SDK1: variants seen among roughly 807,000 people sequenced by gnomAD.
The protein encoded by SDK1 is sidekick cell adhesion molecule 1, also known as protein sidekick-1.
In SDK1, 157 loss-of-function variants were observed where a neutral mutation model predicts 245.5. That is an observed-to-expected ratio of 0.64 (90% CI 0.56 to 0.73). The LOEUF is 0.73. SDK1 is among the 30% of genes least tolerant of loss of function. The pLI is 0.00. For synonymous variants in SDK1, 1,647 were observed against 1,278.5 expected, an observed-to-expected ratio of 1.29 and a Z score of -6.15; for missense variants, 3,583 against 3,002.3, an observed-to-expected ratio of 1.19 and a Z score of -4.52.
At chr7:3,317,526 G>C (rs1779693256) in intron 1 of SDK1, among the ~76,000 whole-genome samples, 2 of 151,992 alleles carry the variant, frequency 1.3e-5, no homozygotes, top group Admixed American at 1.3e-4. Context: ...GCTGTGTGCT[G>C]TTCCCTGGGT....
At chr7:3,329,574 GTC>G (rs1206059521) in intron 1 of SDK1, among the ~76,000 whole-genome samples, 3 of 152,028 alleles carry the variant, frequency 2.0e-5, no homozygotes, top group Non-Finnish European at 1.5e-5. Context: ...TCTACTTTGC[GTC>G]TCTATAGATT....
chr7:3,757,619 A>G (rs972526110), intron 4 of SDK1, among the ~76,000 whole-genome samples: 1 of 152,140 alleles, frequency 6.6e-6, no homozygotes, highest in African/African-American at 2.4e-5. Flanking sequence ...TGCATAGGGC[A>G]GGTGTGGGGG....
intron 1 of SDK1, among the ~76,000 whole-genome samples, chr7:3,612,503 A>G (rs1013773668): frequency 2.0e-5 from 3 of 152,204 alleles, no homozygotes; most frequent in African/African-American, 7.2e-5. Flanking sequence ...TTGAATGACT[A>G]CACTTACCAG....
rs150965905 is a variant in SDK1, at chr7:3,452,117, G to C, written c.298+150233G>C. 1.2e-3 allele frequency among the ~76,000 whole-genome samples: 179 copies of C among 152,316 alleles called. 1 individual carries two copies. Among genetic ancestry groups the C allele is most frequent in the Admixed American group, 2.6e-3 (40 of 15,300 alleles). ...ATTTCAAGGGTAAGCCGACTCACAT[G>C]ATTAAAGTAAGTTATGAGCATTTTT... On this transcript the variant is annotated intron_variant, in intron 1 of 44. Transcript: ENST00000404826.
At chr7:3,564,416 G>A (rs887474576) in intron 1 of SDK1, among the ~76,000 whole-genome samples, 4 of 152,074 alleles carry the variant, frequency 2.6e-5, no homozygotes, top group Admixed American at 2.0e-4. Flanking sequence ...TTGAACCCAG[G>A]AGGCTGAGGT....
intron 1 of SDK1, among the ~76,000 whole-genome samples, chr7:3,364,104 C>T (rs1278504472): frequency 1.3e-5 from 2 of 152,032 alleles, no homozygotes; most frequent in East Asian, 1.9e-4. Flanking sequence ...TTCAGTGAAA[C>T]GTTTATGTCT....
At chr7:3,925,403 C>T (rs1007935360) in intron 5 of SDK1, among the ~76,000 whole-genome samples, 59 of 152,238 alleles carry the variant, frequency 3.9e-4, no homozygotes, top group Non-Finnish European at 2.8e-4. Flanking sequence ...GTCAGTGACG[C>T]ATGCTTGGGT....
intron 1 of SDK1, among the ~76,000 whole-genome samples, chr7:3,579,742 G>T (rs1780421014): frequency 6.6e-6 from 1 of 152,188 alleles, no homozygotes; most frequent in Non-Finnish European, 1.5e-5. Flanking sequence ...CATTTGGAAA[G>T]CAGTGTTGCA....
At chr7:4,054,928 G>C (rs1304885166) in intron 19 of SDK1, among the ~76,000 whole-genome samples, 1 of 152,166 alleles carries the variant, frequency 6.6e-6, no homozygotes, top group Non-Finnish European at 1.5e-5. Context: ...TGTCAAACCA[G>C]CTTTGTGTAC....
chr7:3,326,897 T>A lies in SDK1; in HGVS notation c.298+25013T>A, dbSNP rs917722551. Reference sequence around the variant, plus strand: ...TACATCTGTTTATTACTGAAATGAGTATTTTTTAAATATACTTACTGGGTA... The same window carrying A: ...TACATCTGTTTATTACTGAAATGAGAATTTTTTAAATATACTTACTGGGTA... On this transcript the variant is annotated intron_variant, in intron 1 of 44. Transcript: ENST00000404826. Among the ~76,000 whole-genome samples the A allele has an allele frequency of 3.3e-5, 5 of 152,162 alleles. No homozygotes were observed. In the South Asian group the frequency reaches 6.2e-4, roughly 19 times the overall value.
chr7:3,380,996 G>A (rs1317166523), intron 1 of SDK1, among the ~76,000 whole-genome samples: 3 of 152,144 alleles, frequency 2.0e-5, no homozygotes, highest in African/African-American at 7.2e-5. Context: ...CAAAATCAGA[G>A]TTCTGTTAAT....
At chr7:3,829,430 G>A (rs1235562836) in intron 5 of SDK1, among the ~76,000 whole-genome samples, 3 of 152,076 alleles carry the variant, frequency 2.0e-5, no homozygotes, top group South Asian at 2.1e-4. Flanking sequence ...TAGATTCCAC[G>A]ACAGCCCTGT....
intron 1 of SDK1, among the ~76,000 whole-genome samples, chr7:3,424,687 G>A (rs1319297435): frequency 1.3e-5 from 2 of 151,988 alleles, no homozygotes; most frequent in Admixed American, 6.6e-5. Flanking sequence ...GCTTGAGGCC[G>A]GGAGTTCGAG....
At chr7:3,977,379 C>CTGA (rs1783028657) in intron 13 of SDK1, among the ~76,000 whole-genome samples, 2 of 50,810 alleles carry the variant, frequency 3.9e-5, no homozygotes, top group African/African-American at 1.7e-4. Context: ...GCCACACAGA[C>CTGA]GGTCCTCCAG....
intron 17 of SDK1, among the ~76,000 whole-genome samples, chr7:4,025,471 A>G (rs1787270048): frequency 6.6e-6 from 1 of 152,182 alleles, no homozygotes; most frequent in Admixed American, 6.5e-5. Flanking sequence ...GTGCACACAG[A>G]GAAGGGGTTC....
At chr7:4,058,758 C>T (rs147376007) in intron 19 of SDK1, among the ~76,000 whole-genome samples, 3 of 152,272 alleles carry the variant, frequency 2.0e-5, no homozygotes, top group South Asian at 4.1e-4. Flanking sequence ...AAAAGTTACC[C>T]TTCACAAATG....
At chr7:4,084,351 T>A (rs2128180787) in intron 22 of SDK1, among the ~76,000 whole-genome samples, 1 of 152,318 alleles carries the variant, frequency 6.6e-6, no homozygotes, top group South Asian at 2.1e-4. Context: ...CCTGCAGTCA[T>A]TATTCTTTTT....
At chr7:3,617,241 A>G (rs1449510378) in intron 1 of SDK1, among the ~76,000 whole-genome samples, 1 of 152,190 alleles carries the variant, frequency 6.6e-6, no homozygotes, top group Non-Finnish European at 1.5e-5. Context: ...CATTCAACAG[A>G]TATTTATTAG....
intron 1 of SDK1, among the ~76,000 whole-genome samples, chr7:3,454,414 G>GTGTGTGTGTGTA (rs66682254): frequency 1.3e-5 from 2 of 150,246 alleles, no homozygotes; most frequent in Non-Finnish European, 3.0e-5. Context: ...GTGTGTGTGT[G>GTGTGTGTGTGTA]TGTGTGTGTG....
Sources: gnomAD v4.1 joint callset for allele counts (sites outside exome capture counted in the v4.1 genomes callset) on GRCh38, gnomAD v4.1.1 for gene constraint, MANE v1.5 for transcripts, NCBI Gene and HGNC (gene_info 2026-07-23, HGNC 2026-07-21) for gene names.